TMCO1: variants seen among roughly 807,000 people sequenced by gnomAD.
The protein encoded by TMCO1 is calcium load-activated calcium channel.
In TMCO1, 29 loss-of-function variants were observed where a neutral mutation model predicts 29.3. That is an observed-to-expected ratio of 0.99 (90% CI 0.74 to 1.35). The LOEUF (loss-of-function observed/expected upper bound fraction) is 1.35. TMCO1 is among the 40% of genes most tolerant of loss of function. The probability of loss-of-function intolerance (pLI) is 0.00; values close to 1 mark genes in which losing one functional copy is unlikely to be tolerated. For missense variants in TMCO1, 173 were observed against 225.5 expected (o/e 0.77, Z 1.49); for synonymous variants, 80 against 77.1 (o/e 1.04, Z -0.20).
chr1:165,757,398 T>C (rs1401440211), intron 3 of TMCO1, among the ~76,000 whole-genome samples: 1 of 152,264 alleles, frequency 6.6e-6, no homozygotes, highest in Non-Finnish European at 1.5e-5. Context: ...GATTAAAATG[T>C]ACAAATCTAG....
At chr1:165,724,629 T>A, downstream of TMCO1, 2 of 454,096 alleles carry the variant, frequency 4.4e-6, no homozygotes, top group Non-Finnish European at 8.8e-6. Flanking sequence ...CTCTAGTGAT[T>A]CTGATACACT....
chr1:165,731,120 C>T (rs112710691), intron 6 of TMCO1, among the ~76,000 whole-genome samples: 5,616 of 152,010 alleles, frequency 0.037, 329 homozygotes, highest in African/African-American at 0.13. Flanking sequence ...AGGATGGTCT[C>T]GATCTCTTGA....
intron 5 of TMCO1, among the ~76,000 whole-genome samples, chr1:165,750,784 C>A (rs565465592): frequency 4.0e-4 from 60 of 151,770 alleles, no homozygotes; most frequent in African/African-American, 1.4e-3. Context: ...TAAAAATTAG[C>A]CTGGGCCAGG....
intron 4 of TMCO1, among the ~76,000 whole-genome samples, chr1:165,753,057 T>C (rs1652059270): frequency 6.6e-6 from 1 of 152,234 alleles, no homozygotes; most frequent in African/African-American, 2.4e-5. Context: ...TTAGCCTATC[T>C]ATGCTTTAGG....
chr1:165,746,102 G>A (rs1250481103), intron 5 of TMCO1, among the ~76,000 whole-genome samples: 4 of 152,000 alleles, frequency 2.6e-5, no homozygotes, highest in African/African-American at 9.7e-5. Context: ...CAATATGGTG[G>A]AACCCCCTCT....
At chr1:165,742,881 C>T (rs1460715888) in intron 6 of TMCO1, among the ~76,000 whole-genome samples, 1 of 152,172 alleles carries the variant, frequency 6.6e-6, no homozygotes, top group Non-Finnish European at 1.5e-5. Context: ...CCACTCTCTA[C>T]TTTTGCAGCT....
intron 3 of TMCO1, among the ~76,000 whole-genome samples, chr1:165,758,172 C>T (rs1652265901): frequency 6.6e-6 from 1 of 152,088 alleles, no homozygotes; most frequent in Admixed American, 6.6e-5. Context: ...TGACACTCTC[C>T]TCTCAACTTC....
At chr1:165,749,705 T>G (rs556035208) in intron 5 of TMCO1, among the ~76,000 whole-genome samples, 12 of 152,074 alleles carry the variant, frequency 7.9e-5, no homozygotes, top group Non-Finnish European at 1.8e-4. Flanking sequence ...GGAAAAAAAT[T>G]TTTCTATAAT....
rs1214343012 is a variant in TMCO1, at chr1:165,754,286, TAATG to T, written c.209-16_209-13del. 1.9e-6 allele frequency: 3 copies of T among 1,604,740 alleles called. No individual in the cohort carries two copies. The highest frequency in any genetic ancestry group is 1.7e-6 in the Non-Finnish European group (2 of 1,172,056). ...CTCTTCTTGTCTCTCTGCAAAGAATTAATGAGATGGTTAATACATACAATGCTGA... is the reference window on the plus strand; with the variant it reads ...CTCTTCTTGTCTCTCTGCAAAGAATTAGATGGTTAATACATACAATGCTGA... On this transcript the variant is annotated splice_polypyrimidine_tract_variant and intron_variant, in intron 3 of 6. Transcript: ENST00000367881.
intron 2 of TMCO1, among the ~76,000 whole-genome samples, chr1:165,765,561 C>T (rs1652539254): frequency 1.3e-5 from 2 of 152,340 alleles, no homozygotes; most frequent in South Asian, 4.1e-4. Context: ...GGATTACAGG[C>T]CTGAGCCACC....
chr1:165,729,724 G>C (rs182471111), intron 6 of TMCO1, among the ~76,000 whole-genome samples: 2 of 152,258 alleles, frequency 1.3e-5, no homozygotes, highest in Non-Finnish European at 2.9e-5. Flanking sequence ...AAGGTATGAT[G>C]GATGGCTTAT....
chr1:165,738,869 C>T (rs1444226403), intron 6 of TMCO1, among the ~76,000 whole-genome samples: 14 of 152,092 alleles, frequency 9.2e-5, no homozygotes, highest in Admixed American at 8.5e-4. Flanking sequence ...CAACTATATA[C>T]CAAAAGAACA....
intron 3 of TMCO1, among the ~76,000 whole-genome samples, chr1:165,755,397 G>A (rs779272058): frequency 5.9e-5 from 9 of 152,090 alleles, no homozygotes; most frequent in Admixed American, 3.3e-4. Flanking sequence ...ATGAAGAAAA[G>A]AGGCCATGTG....
At chr1:165,751,296 G>A (rs1258715729) in intron 5 of TMCO1, among the ~76,000 whole-genome samples, 2 of 152,112 alleles carry the variant, frequency 1.3e-5, no homozygotes, top group Non-Finnish European at 2.9e-5. Flanking sequence ...GAAAAAGAGG[G>A]AACATATTAA....
rs528960548 is a variant in TMCO1 at position 165,757,186 on chromosome 1, C to T, written c.208+2339G>A. 3.9e-5 allele frequency among the ~76,000 whole-genome samples: 6 copies of T among 152,262 alleles called. No homozygotes were observed. The East Asian group carries it at 1.2e-3, about 29-fold the overall frequency. Reference sequence around the variant, plus strand: ...AGAAACAGTTTCCACAATTTCTTATCAAAAGACAATTGTGTAATGTTGTGG... The same window carrying T: ...AGAAACAGTTTCCACAATTTCTTATTAAAAGACAATTGTGTAATGTTGTGG... On this transcript the variant is annotated intron_variant, in intron 3 of 6. Coordinates refer to ENST00000367881, the MANE Select transcript of TMCO1 (RefSeq NM_019026.6).
downstream of TMCO1, chr1:165,724,592 G>A (rs115108095): frequency 2.7e-3 from 1,248 of 453,996 alleles, 2 homozygotes; most frequent in Non-Finnish European, 3.8e-3. Context: ...TCTGGGGTGG[G>A]GCCCAGCAGT....
In TMCO1 at chr1:165,768,544, G is replaced by A. The variant is rs777074118; in HGVS notation, c.70+138C>T. ...CCCCTCCTGCTCCTGTTCACGAGTT[G>A]CCCAGAGATTCCCTGAAGTGGAGTA... On this transcript the variant is annotated intron_variant, in intron 1 of 6. Transcript: ENST00000367881. 4.5e-6 allele frequency: 7 copies of A among 1,562,808 alleles called. No individual in the cohort carries two copies. In the African/African-American group the frequency reaches 8.1e-5, roughly 18 times the overall value.
At chr1:165,764,246 T>C (rs6426940) in intron 2 of TMCO1, among the ~76,000 whole-genome samples, 80,337 of 152,130 alleles carry the variant, frequency 0.53, 21,777 homozygotes, top group South Asian at 0.72. Flanking sequence ...GATGTTATGC[T>C]ACACAGATAA....
chr1:165,725,556 C>T (rs568760723), downstream of TMCO1: 4 of 453,948 alleles, frequency 8.8e-6, no homozygotes, highest in Non-Finnish European at 1.8e-5. Flanking sequence ...GGCTGTTTTT[C>T]TTCCCTAGAC....
Sources: gnomAD v4.1 joint callset for allele counts (sites outside exome capture counted in the v4.1 genomes callset) on GRCh38, gnomAD v4.1.1 for gene constraint, MANE v1.5 for transcripts, NCBI Gene and HGNC (gene_info 2026-07-23, HGNC 2026-07-21) for gene names.